Variants in FRAS1 observed in about 807,000 individuals in gnomAD.
The protein encoded by FRAS1 is extracellular matrix organizing protein FRAS1.
Under a neutral mutation model 435.2 loss-of-function variants are expected in FRAS1, and 290 were observed. That is an observed-to-expected ratio of 0.67 (90% confidence interval 0.61 to 0.73). The LOEUF (loss-of-function observed/expected upper bound fraction) is 0.73. FRAS1 is among the 30% of genes least tolerant of loss of function. The pLI is 0.00. For missense variants in FRAS1, 4,860 were observed against 5,001.5 expected (o/e 0.97, Z 0.85); for synonymous variants, 1,800 against 1,851.0 (o/e 0.97, Z 0.71).
intron 2 of FRAS1, among the ~76,000 whole-genome samples, chr4:78,083,759 T>TA (rs1741015231): frequency 6.6e-6 from 1 of 151,912 alleles, no homozygotes; most frequent in African/African-American, 2.4e-5. Flanking sequence ...ACTTACATTG[T>TA]AGAGTTACCT....
chr4:78,510,505 G>C (rs1490158262), intron 63 of FRAS1, among the ~76,000 whole-genome samples: 1 of 152,148 alleles, frequency 6.6e-6, no homozygotes, highest in Non-Finnish European at 1.5e-5. Flanking sequence ...TTGTTTTCAT[G>C]GGTAAAATGT....
At chr4:78,276,191 C>G (rs954805273) in intron 9 of FRAS1, among the ~76,000 whole-genome samples, 1 of 152,188 alleles carries the variant, frequency 6.6e-6, no homozygotes, top group Admixed American at 6.5e-5. Context: ...CTTCTCTACA[C>G]TGGTTGTTCT....
At chr4:78,344,870 TCTTTTCC>T (rs1323371854) in intron 20 of FRAS1, among the ~76,000 whole-genome samples, 1 of 152,240 alleles carries the variant, frequency 6.6e-6, no homozygotes, top group African/African-American at 2.4e-5. Flanking sequence ...TTTACTTTAA[TCTTTTCC>T]AATACATACA....
chr4:78,525,492 G>C (rs1336170484), intron 69 of FRAS1, among the ~76,000 whole-genome samples: 3 of 152,180 alleles, frequency 2.0e-5, no homozygotes, highest in African/African-American at 7.2e-5. Flanking sequence ...TTCAGCCTGT[G>C]CCAGTCCACT....
chr4:78,252,328 T>C, intron 4 of FRAS1, 64 bp from the exon 5 acceptor site: 1 of 1,479,056 alleles, frequency 6.8e-7, no homozygotes, highest in Non-Finnish European at 9.3e-7. Flanking sequence ...TGTTTCTATT[T>C]GGCTGAATGA....
At chr4:78,093,472 A>T (rs536512126) in intron 2 of FRAS1, among the ~76,000 whole-genome samples, 93 of 152,360 alleles carry the variant, frequency 6.1e-4, no homozygotes, top group African/African-American at 2.2e-3. Context: ...AACTGATTAT[A>T]TTTAATATCT....
chr4:78,452,436 A>T, intron 47 of FRAS1, 82 bp downstream of exon 47: 1 of 1,050,886 alleles, frequency 9.5e-7, no homozygotes, highest in Non-Finnish European at 1.4e-6. Context: ...TGTATCATGT[A>T]TACCTAGAAT....
chr4:78,243,666 A>G (rs1368493776), intron 3 of FRAS1, among the ~76,000 whole-genome samples: 1 of 151,982 alleles, frequency 6.6e-6, no homozygotes, highest in Admixed American at 6.6e-5. Flanking sequence ...ATATATATAT[A>G]TATATATACA....
At chr4:78,204,167 T>C (rs1723157965) in intron 2 of FRAS1, among the ~76,000 whole-genome samples, 1 of 152,230 alleles carries the variant, frequency 6.6e-6, no homozygotes, top group South Asian at 2.1e-4. Flanking sequence ...AGGTTATATA[T>C]TGATCAGTTG....
chr4:78,462,856 G>A (rs905631736), intron 47 of FRAS1, among the ~76,000 whole-genome samples: 1 of 152,150 alleles, frequency 6.6e-6, no homozygotes, highest in African/African-American at 2.4e-5. Flanking sequence ...CAGATGATAA[G>A]GAGAGATGCA....
At chr4:78,128,523 A>C (rs1271186704) in intron 2 of FRAS1, among the ~76,000 whole-genome samples, 2 of 151,904 alleles carry the variant, frequency 1.3e-5, no homozygotes, top group African/African-American at 4.8e-5. Context: ...GCATTTTTTC[A>C]TGTGTTTTTT....
intron 29 of FRAS1, among the ~76,000 whole-genome samples, chr4:78,393,409 T>TTTG (rs56299493): frequency 0.45 from 67,848 of 151,546 alleles, 16,193 homozygotes; most frequent in African/African-American, 0.63. Flanking sequence ...TAACTGAAAG[T>TTTG]TACGTTTTGA....
chr4:78,181,910 A>C (rs1722025796), intron 2 of FRAS1: 1 of 1,610,578 alleles, frequency 6.2e-7, no homozygotes, highest in South Asian at 1.1e-5. Flanking sequence ...AGGGCCCCCA[A>C]CGCCACCCCT....
intron 30 of FRAS1, among the ~76,000 whole-genome samples, chr4:78,405,511 C>CT (rs1733066847): frequency 6.6e-6 from 1 of 152,122 alleles, no homozygotes; most frequent in Non-Finnish European, 1.5e-5. Context: ...ATGTTTCTCT[C>CT]TTATTTTGGT....
intron 48 of FRAS1, 38 bp from the exon 49 acceptor site, chr4:78,464,405 G>A (rs200406046): frequency 6.2e-7 from 1 of 1,612,674 alleles, no homozygotes; most frequent in Non-Finnish European, 8.5e-7. Flanking sequence ...GTAGGTGCTA[G>A]GGACAGGTGT....
chr4:78,472,720 A>T (rs1027444), intron 52 of FRAS1, among the ~76,000 whole-genome samples: 1 of 152,036 alleles, frequency 6.6e-6, no homozygotes, highest in Non-Finnish European at 1.5e-5. Context: ...TTCTCTAAGG[A>T]TTATAGACTT....
intron 2 of FRAS1, among the ~76,000 whole-genome samples, chr4:78,109,548 A>C (rs1742588544): frequency 7.2e-6 from 1 of 139,742 alleles, no homozygotes; most frequent in African/African-American, 2.7e-5. Context: ...AAAATTCAAC[A>C]ACCCTTCATG....
At chr4:78,227,748 T>G (rs768402277) in intron 2 of FRAS1, among the ~76,000 whole-genome samples, 2 of 152,242 alleles carry the variant, frequency 1.3e-5, no homozygotes, top group Non-Finnish European at 2.9e-5. Context: ...TCTTGACTGA[T>G]GTATTAATCT....
intron 2 of FRAS1, among the ~76,000 whole-genome samples, chr4:78,074,783 T>C (rs980479047): frequency 2.6e-5 from 4 of 152,172 alleles, no homozygotes; most frequent in African/African-American, 9.7e-5. Context: ...CTTCCCTCAG[T>C]TCTGAACAAG....
Sources: allele counts gnomAD v4.1 joint callset (sites outside exome capture counted in the v4.1 genomes callset), GRCh38; gene constraint gnomAD v4.1.1; transcripts MANE v1.5; gene names NCBI Gene and HGNC (gene_info 2026-07-23, HGNC 2026-07-21).